WDR49: variants seen among roughly 807,000 people sequenced by gnomAD.
WDR49 encodes WD repeat domain 49, also known as cilia- and flagella-associated protein 337.
A neutral mutation model predicts 119.5 loss-of-function variants in WDR49; 107 were observed. The ratio of observed to expected loss-of-function variants is 0.90; its 90% CI spans 0.77 to 1.05. The LOEUF (loss-of-function observed/expected upper bound fraction) is 1.05, where lower values mean the gene tolerates loss of function less well. WDR49 is among the 50% of genes least tolerant of loss of function. The pLI is 0.00. For missense variants in WDR49, 1,240 were observed against 1,220.5 expected (o/e 1.02, Z -0.24); for synonymous variants, 425 against 418.8 (o/e 1.01, Z -0.18).
intron 18 of WDR49, among the ~76,000 whole-genome samples, chr3:167,496,156 A>G (rs542458739): frequency 6.6e-6 from 1 of 152,282 alleles, no homozygotes; most frequent in South Asian, 2.1e-4. Flanking sequence ...CAATCACTTT[A>G]AGAATAATAC....
chr3:167,529,788 A>G (rs1752779251), intron 13 of WDR49, among the ~76,000 whole-genome samples: 1 of 151,660 alleles, frequency 6.6e-6, no homozygotes, highest in South Asian at 2.1e-4. Flanking sequence ...CCCTTATAAA[A>G]CCCCTTTTTG....
chr3:167,648,396 T>C lies in WDR49; in HGVS notation c.165+4865A>G, dbSNP rs1337956923. Among the ~76,000 whole-genome samples the C allele has an allele frequency of 3.9e-5, 6 of 152,180 alleles. No individual in the cohort carries two copies. In the East Asian group the frequency reaches 1.2e-3, roughly 29 times the overall value. On this transcript the variant is annotated intron_variant, in intron 2 of 18. Transcript: ENST00000682715. ...AACAAAGATAAAAGAACAAGAATTATATAATAAAATAGCAGATTATTGTCC... is the reference window on the plus strand; with the variant it reads ...AACAAAGATAAAAGAACAAGAATTACATAATAAAATAGCAGATTATTGTCC...
Position 167,554,706 on chromosome 3 carries a change from TTTC to T in WDR49, c.1764_1766del (p.Lys589del). On this transcript the variant is annotated inframe_deletion, in exon 10 of 19. Coordinates refer to ENST00000682715, the MANE Select transcript of WDR49 (RefSeq NM_001366157.1). The stretch of plus-strand genomic sequence containing the variant: ...ACCTCTCCCAGCCTGTAACCAGTAT[TTTC>T]TTCTTAAGAATGAGGATTTGTGAAA... 1 of 1,613,330 alleles carries T rather than the reference TTTC, an allele frequency of 6.2e-7. No individual in the cohort carries two copies. Among genetic ancestry groups the T allele is most frequent in the South Asian group, 1.1e-5 (1 of 90,966 alleles).
chr3:167,643,454 C>G (rs1717975229), intron 2 of WDR49, among the ~76,000 whole-genome samples: 1 of 151,976 alleles, frequency 6.6e-6, no homozygotes, highest in Non-Finnish European at 1.5e-5. Context: ...GGGGACTCCT[C>G]AAGATTAAAG....
At chr3:167,572,562 T>G (rs536370602) in intron 8 of WDR49, among the ~76,000 whole-genome samples, 1 of 152,296 alleles carries the variant, frequency 6.6e-6, no homozygotes, top group East Asian at 1.9e-4. Flanking sequence ...CTGTTACACT[T>G]GGGATGAAAA....
intron 3 of WDR49, 110 bp from the exon 4 acceptor site, chr3:167,621,753 G>A (rs1455890294): frequency 1.4e-5 from 14 of 1,025,394 alleles, no homozygotes; most frequent in Non-Finnish European, 1.9e-5. Context: ...GTTCTCTGAG[G>A]ATCCTTAACA....
intron 17 of WDR49, among the ~76,000 whole-genome samples, chr3:167,503,988 T>C (rs1751677231): frequency 6.6e-6 from 1 of 152,188 alleles, no homozygotes; most frequent in Admixed American, 6.5e-5. Flanking sequence ...ATTGGTCAGG[T>C]GTGAGCTAAG....
intron 18 of WDR49, among the ~76,000 whole-genome samples, chr3:167,480,283 AACT>A (rs1007803457): frequency 6.6e-6 from 1 of 151,378 alleles, no homozygotes; most frequent in Admixed American, 6.6e-5. Flanking sequence ...GAAAAATAAT[AACT>A]ACTATTAGAA....
chr3:167,516,509 TTTGGG>T (rs1468841147), intron 16 of WDR49, among the ~76,000 whole-genome samples: 1 of 152,142 alleles, frequency 6.6e-6, no homozygotes, highest in African/African-American at 2.4e-5. Context: ...TTGTTGGACA[TTTGGG>T]TTGGTTCCAA....
chr3:167,638,435 C>A (rs908860246), intron 2 of WDR49, among the ~76,000 whole-genome samples: 1 of 151,496 alleles, frequency 6.6e-6, no homozygotes, highest in East Asian at 1.9e-4. Context: ...TCCCCTATAA[C>A]TATAATTAAA....
intron 2 of WDR49, among the ~76,000 whole-genome samples, chr3:167,651,670 G>A (rs751800318): frequency 1.2e-4 from 18 of 151,758 alleles, no homozygotes; most frequent in Non-Finnish European, 2.6e-4. Flanking sequence ...TACAAGCTCC[G>A]AATTACCTTC....
chr3:167,520,841 A>T (rs1216562659), intron 16 of WDR49, among the ~76,000 whole-genome samples: 1 of 152,132 alleles, frequency 6.6e-6, no homozygotes, highest in African/African-American at 2.4e-5. Context: ...TCACTTTAAG[A>T]TATAAACAAA....
intron 10 of WDR49, among the ~76,000 whole-genome samples, chr3:167,539,160 G>T (rs1259535545): frequency 2.0e-5 from 3 of 152,076 alleles, no homozygotes; most frequent in African/African-American, 4.8e-5. Flanking sequence ...AAAGATAGAT[G>T]AATTAATGCA....
intron 18 of WDR49, among the ~76,000 whole-genome samples, chr3:167,490,421 T>C (rs1389535659): frequency 1.3e-5 from 2 of 152,162 alleles, no homozygotes; most frequent in Non-Finnish European, 2.9e-5. Context: ...TCTGGATGTT[T>C]AGTATCCAAA....
In WDR49 at chr3:167,556,209, T is replaced by G. The variant is rs182663209; in HGVS notation, c.1675-1411A>C. 3.9e-3 allele frequency among the ~76,000 whole-genome samples: 593 copies of G among 152,310 alleles called. 2 individuals are homozygous for G. Among genetic ancestry groups the G allele is most frequent in the Middle Eastern group, 0.014 (4 of 294 alleles). ...TAAATGGAGAGACAATAAAAAATCA[T>G]GAAGAAAACGATTTTGGAATCTGTT... On this transcript the variant is annotated intron_variant, in intron 9 of 18. Transcript: ENST00000682715.
intron 17 of WDR49, 47 bp from the exon 18 acceptor site, chr3:167,500,346 A>G: frequency 6.3e-7 from 1 of 1,589,940 alleles, no homozygotes; most frequent in Non-Finnish European, 8.5e-7. Flanking sequence ...AAAAGGGTAC[A>G]ATATCATTAA....
rs865801108 is a variant in WDR49 at position 167,621,517 on chromosome 3, G to A, written c.733C>T (p.Pro245Ser). The A allele has an allele frequency of 1.3e-6, 2 of 1,535,258 alleles. No individual in the cohort carries two copies. The highest frequency in any genetic ancestry group is 1.2e-5 in the South Asian group (1 of 83,888). Reference sequence around the variant, plus strand: ...AGAATTGATTCATTGGCATCAAGAGGATCATACCAATAATCCATGCAAATT... The same window carrying A: ...AGAATTGATTCATTGGCATCAAGAGAATCATACCAATAATCCATGCAAATT... ...TPICMDYWYD[P>S]LDANESILSF... Residue 245 changes from proline (P) to serine (S), a missense_variant, in exon 4 of 19, where the codon CCT becomes TCT. Coordinates refer to ENST00000682715, the MANE Select transcript of WDR49 (RefSeq NM_001366157.1).
rs151001911 is a variant in WDR49 at position 167,524,784 on chromosome 3, T to C, written c.2605-2300A>G. On this transcript the variant is annotated intron_variant, in intron 15 of 18. Transcript: ENST00000682715. ...GTCTCTTTATCTGTTTTGGTACCAG[T>C]ACCATGCTGTTTTGGTTACTGTAGC... 8.5e-5 allele frequency among the ~76,000 whole-genome samples: 13 copies of C among 152,202 alleles called. No individual in the cohort carries two copies. In the East Asian group the frequency reaches 2.5e-3, roughly 29 times the overall value.
rs1717172444 is a variant in WDR49, at chr3:167,627,234, G to A, written c.224C>T (p.Thr75Ile). Residue 75 changes from threonine (T) to isoleucine (I), a missense_variant, in exon 3 of 19, where the codon ACA becomes ATA. By Grantham distance (89) the Thr-to-Ile change is moderately conservative. Coordinates refer to ENST00000682715, the MANE Select transcript of WDR49 (RefSeq NM_001366157.1). Reference sequence around the variant, plus strand: ...CTTCGTGCCCCAACCAACAATCTCTGTCATCTTCTGCGTGAAGTCTTCTCT... The same window carrying A: ...CTTCGTGCCCCAACCAACAATCTCTATCATCTTCTGCGTGAAGTCTTCTCT... ...MSREDFTQKM[T>I]EIVGWGTKEE... The A allele has an allele frequency of 1.6e-6, 2 of 1,250,880 alleles. No homozygotes were observed. Among genetic ancestry groups the A allele is most frequent in the South Asian group, 3.7e-5 (1 of 27,056 alleles). 77.5% of individuals were successfully genotyped at this position (1,250,880 alleles called of 1,614,324 possible).
Sources: gnomAD v4.1 joint callset for allele counts (sites outside exome capture counted in the v4.1 genomes callset) on GRCh38, gnomAD v4.1.1 for gene constraint, MANE v1.5 for transcripts, NCBI Gene and HGNC (gene_info 2026-07-23, HGNC 2026-07-21) for gene names.